The following NTRK3 variants were observed in gnomAD, a reference collection of about 807,000 sequenced individuals.
NTRK3 encodes NT-3 growth factor receptor.
A neutral mutation model predicts 91.7 loss-of-function variants in NTRK3; 24 were observed. The observed-to-expected ratio is 0.26, with a 90% CI of 0.19 to 0.37. The LOEUF (loss-of-function observed/expected upper bound fraction) is 0.37, where lower values mean the gene tolerates loss of function less well. Ranked by LOEUF, NTRK3 falls within the 10% of genes least tolerant of loss-of-function variation. The pLI is 1.00. For synonymous variants in NTRK3, 483 were observed against 404.0 expected, an observed-to-expected ratio of 1.20 and a Z score of -2.34; for missense variants, 880 against 1,068.9, an observed-to-expected ratio of 0.82 and a Z score of 2.46.
chr15:87,938,854 T>C (rs1836118525), intron 15 of NTRK3, among the ~76,000 whole-genome samples: 1 of 152,228 alleles, frequency 6.6e-6, no homozygotes, highest in African/African-American at 2.4e-5. Context: ...CCCTTGTCCA[T>C]CTGACCATCT....
chr15:88,070,937 T>C (rs2047042612), intron 13 of NTRK3, among the ~76,000 whole-genome samples: 1 of 152,128 alleles, frequency 6.6e-6, no homozygotes, highest in South Asian at 2.1e-4. Context: ...CCTAGCCCTC[T>C]AGCAGAAAAA....
At chr15:87,970,543 T>C (rs543675380) in intron 14 of NTRK3, among the ~76,000 whole-genome samples, 1 of 152,366 alleles carries the variant, frequency 6.6e-6, no homozygotes, top group African/African-American at 2.4e-5. Context: ...GTGCTGAGTC[T>C]ATTAATAGAT....
intron 17 of NTRK3, among the ~76,000 whole-genome samples, chr15:87,893,666 A>T (rs2065958425): frequency 6.6e-6 from 1 of 152,200 alleles, no homozygotes; most frequent in African/African-American, 2.4e-5. Flanking sequence ...TAATTACAGA[A>T]GGAGCCAGCT....
At chr15:88,130,025 G>T (rs565190533) in intron 10 of NTRK3, among the ~76,000 whole-genome samples, 1 of 152,206 alleles carries the variant, frequency 6.6e-6, no homozygotes, top group East Asian at 1.9e-4. Context: ...AGAGAACACT[G>T]CCATCTGCAA....
At chr15:87,996,115 G>A (rs1235603865) in intron 14 of NTRK3, among the ~76,000 whole-genome samples, 15 of 151,922 alleles carry the variant, frequency 9.9e-5, no homozygotes, top group African/African-American at 2.2e-4. Context: ...ATGGTGGCAC[G>A]CACCTGTAAT....
intron 13 of NTRK3, among the ~76,000 whole-genome samples, chr15:88,122,461 G>A (rs2052822661): frequency 6.6e-6 from 1 of 152,178 alleles, no homozygotes; most frequent in South Asian, 2.1e-4. Flanking sequence ...TAGGCTAGTG[G>A]CTGCCTATGG....
chr15:88,042,604 G>C (rs995058943), intron 13 of NTRK3, among the ~76,000 whole-genome samples: 8 of 152,198 alleles, frequency 5.3e-5, no homozygotes, highest in African/African-American at 1.7e-4. Context: ...GGAACCAAAG[G>C]CGTTGTTCAT....
At chr15:87,921,998 C>G (rs2067913673) in intron 17 of NTRK3, among the ~76,000 whole-genome samples, 1 of 152,076 alleles carries the variant, frequency 6.6e-6, no homozygotes, top group Admixed American at 6.6e-5. Flanking sequence ...TCAGTGGGCT[C>G]AAACACATCA....
chr15:88,121,453 C>G (rs1193587990), intron 13 of NTRK3, among the ~76,000 whole-genome samples: 1 of 152,174 alleles, frequency 6.6e-6, no homozygotes, highest in Non-Finnish European at 1.5e-5. Flanking sequence ...TACAGGAGAG[C>G]CCAGCCAGAT....
chr15:87,891,146 A>C (rs1011127704), intron 17 of NTRK3, among the ~76,000 whole-genome samples: 2 of 152,174 alleles, frequency 1.3e-5, no homozygotes, highest in African/African-American at 4.8e-5. Flanking sequence ...ATAACAGTTC[A>C]AATATTATTA....
intron 14 of NTRK3, among the ~76,000 whole-genome samples, chr15:88,003,195 G>A (rs1442731471): frequency 1.3e-5 from 2 of 152,250 alleles, no homozygotes; most frequent in African/African-American, 4.8e-5. Context: ...CACACACACA[G>A]AATGGTCTAG....
At chr15:87,909,345 T>A (rs982579717) in intron 17 of NTRK3, among the ~76,000 whole-genome samples, 2 of 152,046 alleles carry the variant, frequency 1.3e-5, no homozygotes, top group Admixed American at 1.3e-4. Flanking sequence ...TGCTTCCAAG[T>A]CAAGGGCTGT....
chr15:88,134,765 A>G (rs2041711226), intron 10 of NTRK3, among the ~76,000 whole-genome samples: 1 of 152,214 alleles, frequency 6.6e-6, no homozygotes, highest in Non-Finnish European at 1.5e-5. Context: ...AGAAAAGCAA[A>G]CTATCAGGCC....
At chr15:88,094,433 C>G (rs929968395) in intron 13 of NTRK3, among the ~76,000 whole-genome samples, 5 of 131,432 alleles carry the variant, frequency 3.8e-5, no homozygotes, top group African/African-American at 1.5e-4. Context: ...TGCGCCACTG[C>G]AGTCCGCAGT....
intron 16 of NTRK3, among the ~76,000 whole-genome samples, chr15:87,932,499 C>T (rs544441220): frequency 4.6e-5 from 7 of 152,296 alleles, no homozygotes; most frequent in African/African-American, 7.2e-5. Flanking sequence ...TGAAGAAAAT[C>T]GGTCCCCTTT....
intron 17 of NTRK3, among the ~76,000 whole-genome samples, chr15:87,915,972 T>C (rs1014545639): frequency 6.6e-6 from 1 of 152,218 alleles, no homozygotes; most frequent in African/African-American, 2.4e-5. Context: ...TCTTGGGCTA[T>C]CAACTTTCCT....
rs80093863 is a variant in NTRK3 at position 87,965,819 on chromosome 15, T to C, written c.1586-25066A>G. Reference sequence around the variant, plus strand: ...TAGGCTGAGCAAGGTGGCTCATGTGTGTAATCCCAGCACTTTGGGAGGCCG... The same window carrying C: ...TAGGCTGAGCAAGGTGGCTCATGTGCGTAATCCCAGCACTTTGGGAGGCCG... On this transcript the variant is annotated intron_variant, in intron 14 of 18. Transcript: ENST00000394480. 7.2e-5 allele frequency among the ~76,000 whole-genome samples: 11 copies of C among 152,334 alleles called. No homozygotes were observed. The East Asian group carries it at 1.9e-3, about 27-fold the overall frequency.
intron 17 of NTRK3, among the ~76,000 whole-genome samples, chr15:87,898,752 A>C (rs1057169573): frequency 4.6e-5 from 7 of 151,088 alleles, no homozygotes; most frequent in African/African-American, 1.7e-4. Flanking sequence ...TCAGGAGGCC[A>C]AGGCAGGTGA....
At chr15:88,056,594 T>G (rs1028412886) in intron 13 of NTRK3, among the ~76,000 whole-genome samples, 4 of 152,198 alleles carry the variant, frequency 2.6e-5, no homozygotes. Context: ...CTCACATGAA[T>G]TTCAAATATG....
Sources: gnomAD v4.1 joint callset for allele counts (sites outside exome capture counted in the v4.1 genomes callset) on GRCh38, gnomAD v4.1.1 for gene constraint, MANE v1.5 for transcripts, NCBI Gene and HGNC (gene_info 2026-07-23, HGNC 2026-07-21) for gene names.